Variants in MYO9A observed in about 807,000 individuals in gnomAD.
The protein encoded by MYO9A is unconventional myosin-IXa.
Under a neutral mutation model 293.3 loss-of-function variants are expected in MYO9A, and 103 were observed. That is an observed-to-expected ratio of 0.35 (90% CI 0.30 to 0.41). The LOEUF is 0.41. Ranked by LOEUF, MYO9A falls within the 10% of genes least tolerant of loss-of-function variation. The probability of loss-of-function intolerance (pLI) is 1.00; values close to 1 mark genes in which losing one functional copy is unlikely to be tolerated. For missense variants in MYO9A, 2,685 were observed against 3,033.0 expected (o/e 0.89, Z 2.69); for synonymous variants, 1,001 against 1,035.7 (o/e 0.97, Z 0.64).
At chr15:71,940,216 C>G (rs969131382) in intron 15 of MYO9A, among the ~76,000 whole-genome samples, 1 of 152,170 alleles carries the variant, frequency 6.6e-6, no homozygotes, top group African/African-American at 2.4e-5. Flanking sequence ...GCAAATGGGC[C>G]AGGCACAGTG....
At chr15:72,072,451 T>C (rs1471321266) in intron 1 of MYO9A, among the ~76,000 whole-genome samples, 2 of 152,198 alleles carry the variant, frequency 1.3e-5, no homozygotes, top group Non-Finnish European at 2.9e-5. Context: ...TACACTCTTA[T>C]GTTTATCACA....
At position 71,864,354 on chromosome 15, in the gene MYO9A, A is replaced by G. The variant is rs2056252068; in HGVS notation, c.5980-1743T>C. ...AGCAAATGTTGGTAAGAATGTGGAT[A>G]GACTAGAACCCTCAGGTACTGCAGG... On this transcript the variant is annotated intron_variant, in intron 32 of 41. Coordinates refer to ENST00000356056, the MANE Select transcript of MYO9A (RefSeq NM_006901.4). Among the ~76,000 whole-genome samples, 2 of 152,220 alleles carry G rather than the reference A, an allele frequency of 1.3e-5. 1 individual carries two copies. Among genetic ancestry groups the G allele is most frequent in the South Asian group, 4.1e-4 (2 of 4,834 alleles).
intron 33 of MYO9A, among the ~76,000 whole-genome samples, chr15:71,860,510 C>T (rs1229764791): frequency 6.6e-6 from 1 of 152,196 alleles, no homozygotes; most frequent in Non-Finnish European, 1.5e-5. Context: ...TTTTGTTACA[C>T]TAGCTCTGGC....
In MYO9A at chr15:72,117,736, T is replaced by G; in HGVS notation, c.-128A>C. ...CCCTCCTCTTCGACGGAAGCTGCCT[T>G]CCACCCTCCGCCCCAGGGTAGGACC... On this transcript the variant is annotated 5_prime_UTR_variant, in exon 1 of 42. Transcript: ENST00000356056. The G allele has an allele frequency of 2.5e-6, 1 of 397,588 alleles. No homozygotes were observed. The highest frequency in any genetic ancestry group is 4.4e-5 in the Admixed American group (1 of 22,688). The allele number at this position is 397,588 out of a possible 1,614,324, so 24.6% of individuals were successfully genotyped here.
chr15:72,008,005 A>G, intron 7 of MYO9A, 53 bp from the exon 8 acceptor site: 2 of 1,551,204 alleles, frequency 1.3e-6, no homozygotes, highest in Non-Finnish European at 1.7e-6. Flanking sequence ...CCCAAAGCTC[A>G]TTTCATTCTA....
intron 10 of MYO9A, among the ~76,000 whole-genome samples, chr15:71,993,114 G>A (rs1208642345): frequency 6.6e-6 from 1 of 151,850 alleles, no homozygotes; most frequent in African/African-American, 2.4e-5. Flanking sequence ...ACTTTGGGAG[G>A]CCAAGAAGGG....
intron 13 of MYO9A, among the ~76,000 whole-genome samples, chr15:71,967,449 A>G (rs1406961541): frequency 1.3e-5 from 2 of 152,196 alleles, no homozygotes; most frequent in Admixed American, 6.5e-5. Context: ...ACTATTCTCC[A>G]TATCATCAGC....
rs1395870952 is a variant in MYO9A, at chr15:71,994,516, T to A, written c.1540A>T (p.Ile514Phe). Residue 514 changes from isoleucine to phenylalanine, a missense_variant, in exon 10 of 42, where the codon ATT (isoleucine) becomes TTT (phenylalanine). Coordinates refer to ENST00000356056, the MANE Select transcript of MYO9A (RefSeq NM_006901.4). ...SALFDWIVFR[I>F]NHALLNSKDL... ...TTACTATTCAGAAGTGCATGATTAATTCGAAAAACTATCCAGTCAAACAGG... is the reference window on the plus strand; with the variant it reads ...TTACTATTCAGAAGTGCATGATTAAATCGAAAAACTATCCAGTCAAACAGG... 6.2e-7 allele frequency: 1 copy of A among 1,612,086 alleles called. No homozygotes were observed. The highest frequency in any genetic ancestry group is 8.5e-7 in the Non-Finnish European group (1 of 1,179,514).
chr15:71,889,297 C>G (rs1307980609), intron 26 of MYO9A, among the ~76,000 whole-genome samples: 1 of 152,120 alleles, frequency 6.6e-6, no homozygotes, highest in African/African-American at 2.4e-5. Context: ...CCATCACTCA[C>G]AAAAGGTCAG....
intron 16 of MYO9A, among the ~76,000 whole-genome samples, chr15:71,936,699 C>A (rs1259876640): frequency 2.0e-5 from 3 of 151,992 alleles, no homozygotes; most frequent in Non-Finnish European, 4.4e-5. Context: ...TTATAAATCT[C>A]AGCTTCCATT....
At chr15:72,112,709 A>G (rs2080824297) in intron 1 of MYO9A, among the ~76,000 whole-genome samples, 1 of 152,216 alleles carries the variant, frequency 6.6e-6, no homozygotes, top group African/African-American at 2.4e-5. Flanking sequence ...CTAAAGATAC[A>G]CACAAAATAG....
chr15:71,912,567 T>C (rs543965136), intron 19 of MYO9A, among the ~76,000 whole-genome samples: 1 of 152,192 alleles, frequency 6.6e-6, no homozygotes, highest in Non-Finnish European at 1.5e-5. Flanking sequence ...AGAAAACATA[T>C]TTTTAAAATA....
intron 25 of MYO9A, 117 bp downstream of exon 25, chr15:71,897,344 G>C (rs1038407772): frequency 8.9e-7 from 1 of 1,120,008 alleles, no homozygotes; most frequent in Non-Finnish European, 1.3e-6. Flanking sequence ...TTTTTACAAA[G>C]AGAAAATGGC....
chr15:72,049,588 G>A (rs1168451445), intron 1 of MYO9A, among the ~76,000 whole-genome samples: 1 of 152,222 alleles, frequency 6.6e-6, no homozygotes, highest in Non-Finnish European at 1.5e-5. Context: ...CACAGCAGAA[G>A]ATGAGCAGCA....
intron 15 of MYO9A, 32 bp downstream of exon 15, chr15:71,951,745 T>C: frequency 6.2e-7 from 1 of 1,613,118 alleles, no homozygotes; most frequent in Non-Finnish European, 8.5e-7. Context: ...AATGGATATG[T>C]GATAACAGTT....
At chr15:71,922,356 G>A (rs773853623) in intron 18 of MYO9A, among the ~76,000 whole-genome samples, 15 of 152,118 alleles carry the variant, frequency 9.9e-5, no homozygotes, top group Non-Finnish European at 1.8e-4. Context: ...AATAATAATT[G>A]TATATATTTA....
At chr15:72,084,237 T>C (rs974182832) in intron 1 of MYO9A, among the ~76,000 whole-genome samples, 11 of 152,228 alleles carry the variant, frequency 7.2e-5, no homozygotes, top group Admixed American at 2.0e-4. Context: ...CCCTTTACCA[T>C]CATGTAATGC....
chr15:72,028,216 T>TAA (rs1555408277), intron 3 of MYO9A, among the ~76,000 whole-genome samples: 1 of 47,828 alleles, frequency 2.1e-5, no homozygotes, highest in Non-Finnish European at 5.1e-5. Flanking sequence ...AATAAATAAA[T>TAA]AAATATATAT....
intron 18 of MYO9A, 131 bp from the exon 19 acceptor site, chr15:71,916,623 G>A: frequency 1.2e-6 from 1 of 834,352 alleles, no homozygotes; most frequent in Non-Finnish European, 1.8e-6. Flanking sequence ...GAATATGAAA[G>A]ACTGATATCC....
Sources: allele counts gnomAD v4.1 joint callset (sites outside exome capture counted in the v4.1 genomes callset), GRCh38; gene constraint gnomAD v4.1.1; transcripts MANE v1.5; gene names NCBI Gene and HGNC (gene_info 2026-07-23, HGNC 2026-07-21).